GNPAT: variants seen among roughly 807,000 people sequenced by gnomAD.
The protein encoded by GNPAT is dihydroxyacetone phosphate acyltransferase.
In GNPAT, 30 loss-of-function variants were observed where a neutral mutation model predicts 78.4. That is an observed-to-expected ratio of 0.38 (90% CI 0.29 to 0.52). The LOEUF (loss-of-function observed/expected upper bound fraction) is 0.52. GNPAT is among the 20% of genes least tolerant of loss of function. The pLI is 0.84. For synonymous variants in GNPAT, 271 were observed against 281.1 expected, an observed-to-expected ratio of 0.96 and a Z score of 0.36; for missense variants, 714 against 812.2, an observed-to-expected ratio of 0.88 and a Z score of 1.47.
chr1:231,253,551 G>C (rs1684960261), intron 2 of GNPAT, among the ~76,000 whole-genome samples: 1 of 152,144 alleles, frequency 6.6e-6, no homozygotes, highest in Non-Finnish European at 1.5e-5. Context: ...TTCTGGATTT[G>C]GACATATGAG....
At chr1:231,268,045 G>GT in intron 9 of GNPAT, 142 bp downstream of exon 9, 1 of 693,580 alleles carries the variant, frequency 1.4e-6, no homozygotes, top group Non-Finnish European at 2.6e-6. Context: ...GTTCACACCT[G>GT]TAATCCCAGC....
At chr1:231,244,338 A>G (rs1684693209) in intron 1 of GNPAT, among the ~76,000 whole-genome samples, 1 of 152,242 alleles carries the variant, frequency 6.6e-6, no homozygotes, top group Non-Finnish European at 1.5e-5. Context: ...GCAGTAATCC[A>G]GAGAAGTAAT....
At chr1:231,244,900 G>A (rs1684707974) in intron 1 of GNPAT, among the ~76,000 whole-genome samples, 1 of 152,300 alleles carries the variant, frequency 6.6e-6, no homozygotes, top group East Asian at 1.9e-4. Flanking sequence ...AGATGCAGAT[G>A]CCTTACTACA....
chr1:231,276,328 C>A, intron 15 of GNPAT, 132 bp downstream of exon 15: 1 of 645,812 alleles, frequency 1.5e-6, no homozygotes, highest in African/African-American at 1.8e-5. Context: ...AAGGGAATTA[C>A]TTATGCAGTC....
At position 231,260,603 on chromosome 1, in the gene GNPAT, C is replaced by T. The variant is rs753497919; in HGVS notation, c.358C>T (p.Arg120Trp). 3.7e-6 allele frequency: 6 copies of T among 1,612,536 alleles called. No homozygotes were observed. The highest frequency in any genetic ancestry group is 5.1e-6 in the Non-Finnish European group (6 of 1,178,898). The change falls in exon 3 of 16, where the codon CGG becomes TGG. Residue 120 changes from arginine to tryptophan, a missense_variant. Coordinates refer to ENST00000366647, the MANE Select transcript of GNPAT (RefSeq NM_014236.4). ...MSHKLRLGAIRFCAFTLSKVF... is the reference protein window; with the variant it reads ...MSHKLRLGAIWFCAFTLSKVF... ...TCACAAACTGCGTCTTGGAGCCATT[C>T]GGTTTTGTGCCTTCACCCTGAGCAA...
At chr1:231,267,180 C>T (rs570363014) in intron 8 of GNPAT, among the ~76,000 whole-genome samples, 1 of 152,336 alleles carries the variant, frequency 6.6e-6, no homozygotes, top group Non-Finnish European at 1.5e-5. Flanking sequence ...ATGTGTGTAT[C>T]TCTGCTCCAG....
chr1:231,259,142 G>T (rs12745333), intron 2 of GNPAT, among the ~76,000 whole-genome samples: 83,111 of 150,930 alleles, frequency 0.55, 23,052 homozygotes, highest in South Asian at 0.62. Flanking sequence ...GTTCTCTTCT[G>T]ACTATATTTA....
Position 231,270,913 on chromosome 1 carries a change from T to A in GNPAT, c.1435T>A (p.Ser479Thr), listed in dbSNP as rs1301013473. 6.2e-7 allele frequency: 1 copy of A among 1,614,144 alleles called. No homozygotes were observed. ...MLQHITLLMC[S>T]AYRNQLLNIF... ...CCAGCACATCACTCTCCTCATGTGC[T>A]CAGCTTATAGGAACCAGCTGCTCAA... Residue 479 changes from serine (S) to threonine (T), a missense_variant, in exon 10 of 16, where the codon TCA (serine) becomes ACA (threonine). Transcript: ENST00000366647.
chr1:231,274,092 GC>G lies in GNPAT; in HGVS notation c.1743+36del, dbSNP rs765066991. On this transcript the variant is annotated intron_variant, in intron 12 of 15. Transcript: ENST00000366647. Reference sequence around the variant, plus strand: ...GTAAATTTGGCAAGTTCTCCTTCATGCCCCCCATATCAAATATAATAAGACA... The same window carrying G: ...GTAAATTTGGCAAGTTCTCCTTCATGCCCCCATATCAAATATAATAAGACA... The G allele has an allele frequency of 1.7e-5, 27 of 1,590,848 alleles. No individual in the cohort carries two copies. In the African/African-American group the frequency reaches 3.2e-4, roughly 19 times the overall value.
intron 2 of GNPAT, among the ~76,000 whole-genome samples, chr1:231,255,156 A>G (rs576313): frequency 0.55 from 83,159 of 151,778 alleles, 22,988 homozygotes; most frequent in South Asian, 0.62. Context: ...GTTAAAATAG[A>G]AGAAATCCCT....
intron 9 of GNPAT, chr1:231,269,861 A>T (rs1379146556): frequency 6.6e-6 from 1 of 152,126 alleles, no homozygotes; most frequent in African/African-American, 2.4e-5. Context: ...TTTTTTATGC[A>T]GATTACCCCA....
rs1027731198 is a variant in GNPAT, at chr1:231,270,806, C to T, written c.1328C>T (p.Ser443Phe). 2.5e-6 allele frequency: 4 copies of T among 1,613,922 alleles called. No individual in the cohort carries two copies. The highest frequency in any genetic ancestry group is 3.4e-6 in the Non-Finnish European group (4 of 1,179,898). ...EVVPASILLH[S>F]NIASLVKDQV... ...GTCCCGGCCAGCATTCTTCTGCATT[C>T]CAACATTGCCAGCCTTGTCAAAGAC... Residue 443 changes from serine (S) to phenylalanine (F), a missense_variant, in exon 10 of 16, where the codon TCC (serine) becomes TTC (phenylalanine). By Grantham distance (155) the Ser-to-Phe change is radical. Coordinates refer to ENST00000366647, the MANE Select transcript of GNPAT (RefSeq NM_014236.4).
intron 1 of GNPAT, among the ~76,000 whole-genome samples, chr1:231,245,485 G>A (rs573823234): frequency 3.9e-5 from 6 of 152,042 alleles, no homozygotes; most frequent in African/African-American, 9.6e-5. Context: ...GGTCTCAAAC[G>A]ATTGATCCTC....
chr1:231,254,535 G>A lies in GNPAT; in HGVS notation c.261+3392G>A, dbSNP rs555828281. Among the ~76,000 whole-genome samples the A allele has an allele frequency of 2.6e-5, 4 of 151,656 alleles. No individual in the cohort carries two copies. The East Asian group carries it at 5.9e-4, about 22-fold the overall frequency. Reference sequence around the variant, plus strand: ...CGGCTCACTGCAAGCTCTGCCTCCCGGGTTCACACCATCCTCCTGCCTCAG... The same window carrying A: ...CGGCTCACTGCAAGCTCTGCCTCCCAGGTTCACACCATCCTCCTGCCTCAG... On this transcript the variant is annotated intron_variant, in intron 2 of 15. Coordinates refer to ENST00000366647, the MANE Select transcript of GNPAT (RefSeq NM_014236.4).
chr1:231,257,126 C>T (rs959581158), intron 2 of GNPAT, among the ~76,000 whole-genome samples: 2 of 152,194 alleles, frequency 1.3e-5, no homozygotes, highest in South Asian at 2.1e-4. Flanking sequence ...GCTGCAGTCA[C>T]GGAGAAAGCA....
At chr1:231,268,116 C>T (rs1436612515) in intron 9 of GNPAT, among the ~76,000 whole-genome samples, 8 of 152,154 alleles carry the variant, frequency 5.3e-5, no homozygotes, top group South Asian at 2.1e-4. Flanking sequence ...TCCTGGCTAA[C>T]GCGGTGAAAC....
At position 231,260,672 on chromosome 1, in the gene GNPAT, G is replaced by C. The variant is rs1225111465; in HGVS notation, c.427G>C (p.Gly143Arg). The change falls in exon 3 of 16, where the codon GGT becomes CGT. Residue 143 changes from glycine to arginine, a missense_variant. Coordinates refer to ENST00000366647, the MANE Select transcript of GNPAT (RefSeq NM_014236.4). ...CTCGAAGGTGTGTGTAAATGAAGAA[G>C]GTATTCAGAAAGTGAGTATTGATTA... ...IFSKVCVNEE[G>R]IQKLQRAIQE... The C allele has an allele frequency of 6.3e-7, 1 of 1,598,356 alleles. No homozygotes were observed. The highest frequency in any genetic ancestry group is 8.6e-7 in the Non-Finnish European group (1 of 1,166,110).
intron 1 of GNPAT, among the ~76,000 whole-genome samples, chr1:231,248,481 G>A (rs898397757): frequency 1.4e-4 from 22 of 151,802 alleles, no homozygotes; most frequent in Non-Finnish European, 2.2e-4. Context: ...GTAATCCAGC[G>A]CTTTGGGAGG....
chr1:231,252,669 T>A (rs936518084), intron 2 of GNPAT, among the ~76,000 whole-genome samples: 3 of 152,154 alleles, frequency 2.0e-5, no homozygotes, highest in Non-Finnish European at 2.9e-5. Context: ...GAGAAAATAT[T>A]CTTAAGAAAC....
Sources: gnomAD v4.1 joint callset for allele counts (sites outside exome capture counted in the v4.1 genomes callset) on GRCh38, gnomAD v4.1.1 for gene constraint, MANE v1.5 for transcripts, NCBI Gene and HGNC (gene_info 2026-07-23, HGNC 2026-07-21) for gene names.